ULK1: variants seen among roughly 807,000 people sequenced by gnomAD.
The protein encoded by ULK1 is unc-51 like autophagy activating kinase 1.
ULK1 carries 48 observed loss-of-function variants against 117.5 expected under a neutral mutation model. The observed-to-expected ratio is 0.41, with a 90% CI of 0.32 to 0.52. ULK1 has a LOEUF of 0.52. Among genes scored for constraint, ULK1 ranks in the 20% least tolerant of loss-of-function variants. The pLI is 0.29. For missense variants in ULK1, 1,387 were observed against 1,473.4 expected, an observed-to-expected ratio of 0.94 and a Z score of 0.96; for synonymous variants, 790 against 637.8, an observed-to-expected ratio of 1.24 and a Z score of -3.60.
In ULK1 at chr12:131,918,652, C is replaced by T; in HGVS notation, c.2482C>T (p.Pro828Ser). The change falls in exon 23 of 28, where the codon CCC (proline) becomes TCC (serine). Residue 828 changes from proline (P) to serine (S), a missense_variant. Physicochemically the swap from Pro to Ser is moderately conservative, Grantham distance 74. Transcript: ENST00000321867. ...GGAGGGGGCTGTGACCTTCGAGGCCCCCGACCTCCCTGAGGAGACCCTCAT... is the reference window on the plus strand; with the variant it reads ...GGAGGGGGCTGTGACCTTCGAGGCCTCCGACCTCCCTGAGGAGACCCTCAT... Reference protein sequence around the residue: ...NLEGAVTFEAPDLPEETLMEQ... With the variant: ...NLEGAVTFEASDLPEETLMEQ... 1 of 1,605,658 alleles carries T rather than the reference C, an allele frequency of 6.2e-7. No individual in the cohort carries two copies.
intron 4 of ULK1, among the ~76,000 whole-genome samples, 183 bp from the exon 5 acceptor site, chr12:131,907,312 C>T (rs866567468): frequency 3.9e-5 from 6 of 152,216 alleles, no homozygotes; most frequent in South Asian, 2.1e-4. Context: ...TGAGCTGCCA[C>T]GCCTGCTGAG....
Position 131,919,351 on chromosome 12 carries a change from C to T in ULK1, c.2651C>T (p.Ala884Val). 6.4e-7 allele frequency: 1 copy of T among 1,566,958 alleles called. No homozygotes were observed. The change falls in exon 24 of 28, where the codon GCC becomes GTC. Residue 884 changes from alanine (A) to valine (V), a missense_variant. Coordinates refer to ENST00000321867, the MANE Select transcript of ULK1 (RefSeq NM_003565.4). ...TACCAGCTGCAGGAGAGTGTGGTGG[C>T]CGACCAGATCAGCCTGCTGAGCCGA... ...PEYQLQESVV[A>V]DQISLLSREW... is the part of the protein sequence containing the mutation.
At chr12:131,918,852 G>GGGTA in intron 23 of ULK1, among the ~76,000 whole-genome samples, 171 bp downstream of exon 23, 1 of 130,516 alleles carries the variant, frequency 7.7e-6, no homozygotes, top group Admixed American at 7.6e-5. Flanking sequence ...TGTCGGGTGT[G>GGGTA]TGGGGTGTCG....
In ULK1 at chr12:131,909,775, G is replaced by A; in HGVS notation, c.667G>A (p.Ala223Thr). 6.2e-7 allele frequency: 1 copy of A among 1,606,118 alleles called. No homozygotes were observed. ...AGTCAGGCTGTCCCCGTCCCCGCAG[G>A]CCAGCAGCCCCCAGGACCTGCGCCT... ...QCLTGKAPFQ[A>T]SSPQDLRLFY... The change falls in exon 9 of 28, where the codon GCC becomes ACC. Residue 223 changes from alanine (A) to threonine (T), a missense_variant and splice_region_variant. Ala to Thr is a moderately conservative substitution (Grantham distance 58). This residue lies in a region of ULK1 where 224 missense variants were observed against 325.2 expected (regional missense o/e 0.69). Coordinates refer to ENST00000321867, the MANE Select transcript of ULK1 (RefSeq NM_003565.4).
Position 131,921,568 on chromosome 12 carries a change from T to C in ULK1, c.*207T>C. On this transcript the variant is annotated 3_prime_UTR_variant, in exon 28 of 28. Coordinates refer to ENST00000321867, the MANE Select transcript of ULK1 (RefSeq NM_003565.4). ...GGAGCCACACAGCTTGGGGGGTGTC[T>C]CCCATCTTTTACAGGTGGGGATCAC... 1.4e-6 allele frequency: 1 copy of C among 717,234 alleles called. No homozygotes were observed. Among genetic ancestry groups the C allele is most frequent in the East Asian group, 2.7e-5 (1 of 37,516 alleles). The allele number at this position is 717,234 out of a possible 1,614,324, so 44.4% of individuals were successfully genotyped here. A position where few individuals can be genotyped will look rare whatever the true frequency, so the allele number is the denominator to read the frequency against.
At chr12:131,918,472 G>T in intron 22 of ULK1, 25 bp from the exon 23 acceptor site, 1 of 1,601,022 alleles carries the variant, frequency 6.2e-7, no homozygotes. Flanking sequence ...GTCCTGGTGT[G>T]CCCCTCATCG....
intron 1 of ULK1, 55 bp from the exon 2 acceptor site, chr12:131,895,546 G>A (rs1416884605): frequency 1.3e-6 from 2 of 1,487,858 alleles, no homozygotes; most frequent in Non-Finnish European, 1.9e-6. Context: ...ACTGGGGTCT[G>A]GGGGAGGCCT....
At chr12:131,920,871 G>A in intron 26 of ULK1, 1 of 588,176 alleles carries the variant, frequency 1.7e-6, no homozygotes, top group Non-Finnish European at 2.9e-6. Flanking sequence ...CTGTTGTCCT[G>A]GGGCCGGGCT....
intron 22 of ULK1, 136 bp downstream of exon 22, chr12:131,917,690 C>A: frequency 1.1e-6 from 1 of 923,822 alleles, no homozygotes; most frequent in Non-Finnish European, 1.4e-6. Flanking sequence ...GCAGCTCAGG[C>A]CCCTGAGAAA....
At chr12:131,908,523 TC>T in intron 5 of ULK1, 120 bp from the exon 6 acceptor site, 1 of 1,265,308 alleles carries the variant, frequency 7.9e-7, no homozygotes, top group Non-Finnish European at 1.0e-6. Flanking sequence ...CGGGGTTTCC[TC>T]CCGGCCTGCG....
chr12:131,919,395 C>T lies in ULK1; in HGVS notation c.2684+11C>T, dbSNP rs1890046209. ...GAGCCGAGAATGGGGGTGGGTGCCG[C>T]CAGGGCTGGGGTGGGGCGGGTGGTG... On this transcript the variant is annotated intron_variant, in intron 24 of 27. Coordinates refer to ENST00000321867, the MANE Select transcript of ULK1 (RefSeq NM_003565.4). 1 of 1,541,970 alleles carries T rather than the reference C, an allele frequency of 6.5e-7. No individual in the cohort carries two copies. Among genetic ancestry groups the T allele is most frequent in the Non-Finnish European group, 8.8e-7 (1 of 1,139,262 alleles).
intron 15 of ULK1, 75 bp downstream of exon 15, chr12:131,913,911 G>A (rs1235325179): frequency 2.0e-5 from 26 of 1,280,178 alleles, no homozygotes; most frequent in Admixed American, 6.9e-5. Context: ...CCTGTGTGTC[G>A]CAGCCAGCCC....
At chr12:131,921,023 G>A (rs1009024795) in intron 26 of ULK1, 77 bp from the exon 27 acceptor site, 61 of 1,482,904 alleles carry the variant, frequency 4.1e-5, no homozygotes, top group Non-Finnish European at 7.2e-6. Context: ...CTGGGCCGCT[G>A]CCGTGGGTGC....
rs1182743227 is a variant in ULK1, at chr12:131,911,955, T to C, written c.962T>C (p.Met321Thr). 3 of 1,612,694 alleles carry C rather than the reference T, an allele frequency of 1.9e-6. No homozygotes were observed. Among genetic ancestry groups the C allele is most frequent in the Non-Finnish European group, 2.5e-6 (3 of 1,179,980 alleles). The change falls in exon 13 of 28, where the codon ATG (methionine) becomes ACG (threonine). Residue 321 changes from methionine (M) to threonine (T), a missense_variant. Transcript: ENST00000321867. ...HLASPPSLGE[M>T]QQLQKTLASP... ...GTTGACTCTCAGTCCCTGGGCGAGATGCAGCAGCTGCAGAAGACCCTGGCC... is the reference window on the plus strand; with the variant it reads ...GTTGACTCTCAGTCCCTGGGCGAGACGCAGCAGCTGCAGAAGACCCTGGCC...
At chr12:131,908,187 C>G (rs1889355149) in intron 5 of ULK1, among the ~76,000 whole-genome samples, 1 of 152,162 alleles carries the variant, frequency 6.6e-6, no homozygotes, top group African/African-American at 2.4e-5. Flanking sequence ...ACAGGACCCG[C>G]TGGCCCCCTC....
chr12:131,907,043 G>C, intron 4 of ULK1, 119 bp downstream of exon 4: 1 of 1,362,070 alleles, frequency 7.3e-7, no homozygotes, highest in Non-Finnish European at 1.0e-6. Context: ...TTTTGAGATG[G>C]AGTCTCACTG....
chr12:131,918,142 G>A (rs1889945937), intron 22 of ULK1, among the ~76,000 whole-genome samples: 1 of 152,158 alleles, frequency 6.6e-6, no homozygotes, highest in East Asian at 1.9e-4. Flanking sequence ...GCCCAGCTGT[G>A]GGGCACAGTA....
intron 3 of ULK1, chr12:131,906,611 C>T: frequency 1.9e-6 from 1 of 515,772 alleles, no homozygotes. Context: ...TGGCCTTCAC[C>T]CTTCCTGCTA....
At chr12:131,920,224 C>T (rs1274906837) in intron 26 of ULK1, 88 bp downstream of exon 26, 22 of 1,491,896 alleles carry the variant, frequency 1.5e-5, no homozygotes, top group Non-Finnish European at 1.9e-5. Context: ...ATGCCCACAG[C>T]GTGGTGAGAC....
Sources: gnomAD v4.1 joint callset for allele counts (sites outside exome capture counted in the v4.1 genomes callset) on GRCh38, gnomAD v4.1.1 for gene constraint, gnomAD v4.1.1 regional missense constraint, MANE v1.5 for transcripts, NCBI Gene and HGNC (gene_info 2026-07-23, HGNC 2026-07-21) for gene names.